The following CSMD2 variants were observed in gnomAD, a reference collection of about 807,000 sequenced individuals.
CSMD2 encodes CUB and Sushi multiple domains 2.
In CSMD2, 130 loss-of-function variants were observed where a neutral mutation model predicts 398.5. The ratio of observed to expected loss-of-function variants is 0.33; its 90% CI spans 0.28 to 0.38. The LOEUF (loss-of-function observed/expected upper bound fraction) is 0.38. Among genes scored for constraint, CSMD2 ranks in the 10% least tolerant of loss-of-function variants. CSMD2 has a pLI of 1.00. For missense variants in CSMD2, 3,829 were observed against 4,764.9 expected (o/e 0.80, Z 5.78); for synonymous variants, 1,828 against 1,908.5 (o/e 0.96, Z 1.10).
intron 58 of CSMD2, among the ~76,000 whole-genome samples, 166 bp from the exon 59 acceptor site, chr1:33,541,475 CT>C (rs965866453): frequency 1.3e-5 from 2 of 151,572 alleles, no homozygotes; most frequent in Non-Finnish European, 2.9e-5. Flanking sequence ...TTCTAAATTT[CT>C]TTTTTTTTAA....
At chr1:33,545,489 CTGTTCAGGCTTGGACA>C (rs1289500350) in intron 57 of CSMD2, among the ~76,000 whole-genome samples, 1 of 152,240 alleles carries the variant, frequency 6.6e-6, no homozygotes, top group African/African-American at 2.4e-5. Flanking sequence ...GTGTCTCCGT[CTGTTCAGGCTTGGACA>C]TGGTGCCTTC....
At chr1:33,757,506 C>T (rs1326858259) in intron 13 of CSMD2, among the ~76,000 whole-genome samples, 1 of 152,100 alleles carries the variant, frequency 6.6e-6, no homozygotes, top group Non-Finnish European at 1.5e-5. Context: ...CCTTCCATCA[C>T]CCAGGTATAG....
At chr1:34,107,033 C>T (rs1660592435) in intron 1 of CSMD2, among the ~76,000 whole-genome samples, 1 of 152,156 alleles carries the variant, frequency 6.6e-6, no homozygotes, top group South Asian at 2.1e-4. Flanking sequence ...CTCTGCTTTA[C>T]TGATTCTTAT....
intron 1 of CSMD2, among the ~76,000 whole-genome samples, chr1:34,161,786 T>C (rs1379834355): frequency 6.6e-6 from 1 of 152,052 alleles, no homozygotes; most frequent in South Asian, 2.1e-4. Context: ...GATGGGGCAG[T>C]GGCTTAGATA....
intron 13 of CSMD2, among the ~76,000 whole-genome samples, chr1:33,745,560 G>C (rs772931707): frequency 6.6e-6 from 1 of 152,124 alleles, no homozygotes; most frequent in Non-Finnish European, 1.5e-5. Flanking sequence ...AAAAATTGGT[G>C]ACTCCTTGTG....
chr1:33,745,067 T>C (rs1048458119), intron 13 of CSMD2, among the ~76,000 whole-genome samples: 2 of 152,192 alleles, frequency 1.3e-5, no homozygotes, highest in Admixed American at 6.5e-5. Flanking sequence ...AGCCCAATAA[T>C]GTGAGGTAAA....
At chr1:33,918,001 G>T in intron 5 of CSMD2, 93 bp downstream of exon 5, 1 of 1,150,654 alleles carries the variant, frequency 8.7e-7, no homozygotes, top group Non-Finnish European at 1.3e-6. Context: ...GAGGCCTCTG[G>T]CTGCAGGTCC....
chr1:33,677,162 A>C (rs533319732), intron 25 of CSMD2, among the ~76,000 whole-genome samples: 1 of 152,212 alleles, frequency 6.6e-6, no homozygotes. Flanking sequence ...CGAACATCAG[A>C]GTGAACAGGC....
intron 37 of CSMD2, among the ~76,000 whole-genome samples, chr1:33,617,912 G>T (rs902712420): frequency 6.6e-5 from 10 of 152,128 alleles, no homozygotes. Context: ...AGGGGGCTTA[G>T]CTAGGGAGAC....
chr1:33,871,958 C>A (rs775176741), intron 5 of CSMD2, among the ~76,000 whole-genome samples: 4 of 152,158 alleles, frequency 2.6e-5, no homozygotes, highest in Non-Finnish European at 4.4e-5. Context: ...ACCCATTAAT[C>A]CATGGATGGA....
Position 33,541,313 on chromosome 1 carries a change from G to C in CSMD2, c.9278-4C>G. 1 of 1,612,928 alleles carries C rather than the reference G, an allele frequency of 6.2e-7. No individual in the cohort carries two copies. The highest frequency in any genetic ancestry group is 8.5e-7 in the Non-Finnish European group (1 of 1,179,016). On this transcript the variant is annotated splice_region_variant and splice_polypyrimidine_tract_variant and intron_variant, in intron 58 of 70. Coordinates refer to ENST00000373381, the MANE Select transcript of CSMD2 (RefSeq NM_001281956.2). ...CCAGGGTCACCACAGTTTATGACTA[G>C]GATAAGAGAGATATAGCATTGTTCA...
At chr1:33,544,852 T>TATATATATATATATATAC (rs1178772182) in intron 57 of CSMD2, among the ~76,000 whole-genome samples, 2 of 100,212 alleles carry the variant, frequency 2.0e-5, no homozygotes, top group African/African-American at 6.2e-5. Flanking sequence ...TATATATATA[T>TATATATATATATATATAC]ATACACATAT....
At chr1:33,718,849 G>A (rs1646260226) in intron 19 of CSMD2, among the ~76,000 whole-genome samples, 1 of 152,216 alleles carries the variant, frequency 6.6e-6, no homozygotes, top group South Asian at 2.1e-4. Flanking sequence ...TGGTGATCCT[G>A]GAGGATTTGG....
At chr1:33,698,046 A>G (rs1314593953) in intron 24 of CSMD2, among the ~76,000 whole-genome samples, 1 of 152,212 alleles carries the variant, frequency 6.6e-6, no homozygotes, top group Non-Finnish European at 1.5e-5. Flanking sequence ...AGGACGAAGC[A>G]GTATGGGGGA....
chr1:33,627,121 T>C (rs1642176480), intron 32 of CSMD2, among the ~76,000 whole-genome samples: 1 of 152,186 alleles, frequency 6.6e-6, no homozygotes, highest in Admixed American at 6.5e-5. Context: ...TAATGTATTG[T>C]TCATACTAGA....
chr1:33,554,669 C>A (rs187671368), intron 55 of CSMD2, among the ~76,000 whole-genome samples: 2 of 152,250 alleles, frequency 1.3e-5, no homozygotes, highest in Admixed American at 1.3e-4. Flanking sequence ...AAGAATTATT[C>A]CAAATCTGCT....
rs1244142731 is a variant in CSMD2, at chr1:33,716,899, C to T, written c.3002-398G>A. Among the ~76,000 whole-genome samples, 4 of 152,062 alleles carry T rather than the reference C, an allele frequency of 2.6e-5. No homozygotes were observed. The East Asian group carries it at 7.7e-4, about 29-fold the overall frequency. On this transcript the variant is annotated intron_variant, in intron 19 of 70. Coordinates refer to ENST00000373381, the MANE Select transcript of CSMD2 (RefSeq NM_001281956.2). ...CCAGGGTTAGGTGCAAGAGGATATA[C>T]CAGACATTAAACGAATAGCTGCAAT...
chr1:33,539,838 A>G (rs995818851), intron 60 of CSMD2, among the ~76,000 whole-genome samples: 4 of 152,224 alleles, frequency 2.6e-5, no homozygotes, highest in Non-Finnish European at 4.4e-5. Flanking sequence ...TGCTGGCCCT[A>G]ATCTCTGAGG....
At chr1:33,745,257 C>A (rs773711111) in intron 13 of CSMD2, among the ~76,000 whole-genome samples, 2 of 152,024 alleles carry the variant, frequency 1.3e-5, no homozygotes, top group Non-Finnish European at 2.9e-5. Flanking sequence ...CATAAGCCCC[C>A]AAATAAAAAC....
Sources: gnomAD v4.1 joint callset for allele counts (sites outside exome capture counted in the v4.1 genomes callset) on GRCh38, gnomAD v4.1.1 for gene constraint, MANE v1.5 for transcripts, NCBI Gene and HGNC (gene_info 2026-07-23, HGNC 2026-07-21) for gene names.